The following CNTNAP2 variants were observed in gnomAD, a reference collection of about 807,000 sequenced individuals.
The protein encoded by CNTNAP2 is contactin associated protein 2.
Under a neutral mutation model 155.2 loss-of-function variants are expected in CNTNAP2, and 98 were observed. The observed-to-expected ratio is 0.63, with a 90% CI of 0.54 to 0.75. The LOEUF is 0.75. Ranked by LOEUF, CNTNAP2 falls within the 30% of genes least tolerant of loss-of-function variation. The pLI is 0.00. For missense variants in CNTNAP2, 1,727 were observed against 1,688.1 expected (o/e 1.02, Z -0.40); for synonymous variants, 651 against 631.2 (o/e 1.03, Z -0.47).
At chr7:146,766,568 T>C (rs373231709) in intron 1 of CNTNAP2, among the ~76,000 whole-genome samples, 3 of 152,152 alleles carry the variant, frequency 2.0e-5, no homozygotes, top group Admixed American at 6.6e-5. Context: ...CAGGTACAAT[T>C]TGGCCTTTGT....
intron 15 of CNTNAP2, among the ~76,000 whole-genome samples, chr7:148,071,457 T>C (rs1266462088): frequency 1.3e-5 from 2 of 152,018 alleles, no homozygotes; most frequent in Non-Finnish European, 2.9e-5. Flanking sequence ...CCAGCCTGGG[T>C]GACAGAGCGA....
chr7:146,742,328 C>T (rs1801732211), intron 1 of CNTNAP2, among the ~76,000 whole-genome samples: 1 of 152,106 alleles, frequency 6.6e-6, no homozygotes, highest in South Asian at 2.1e-4. Context: ...CATTCCACTG[C>T]CAACCACTGA....
chr7:147,654,687 A>T (rs1277738994), intron 13 of CNTNAP2, among the ~76,000 whole-genome samples: 3 of 152,032 alleles, frequency 2.0e-5, no homozygotes, highest in African/African-American at 7.2e-5. Flanking sequence ...ATTTCCTCCC[A>T]TGAATGTTTT....
At chr7:146,949,645 TCA>T (rs1370929240) in intron 3 of CNTNAP2, among the ~76,000 whole-genome samples, 2 of 152,198 alleles carry the variant, frequency 1.3e-5, no homozygotes, top group African/African-American at 4.8e-5. Flanking sequence ...TTTTGTTTTC[TCA>T]GTTATATCAC....
chr7:146,357,050 A>T (rs185004489), intron 1 of CNTNAP2, among the ~76,000 whole-genome samples: 1 of 152,158 alleles, frequency 6.6e-6, no homozygotes, highest in Non-Finnish European at 1.5e-5. Flanking sequence ...ATCTTGTTCA[A>T]TGTAAGCACA....
At chr7:148,229,244 A>G (rs1239346729) in intron 19 of CNTNAP2, among the ~76,000 whole-genome samples, 1 of 152,012 alleles carries the variant, frequency 6.6e-6, no homozygotes, top group Non-Finnish European at 1.5e-5. Flanking sequence ...CAGAAATTGG[A>G]TGGGCATGGT....
chr7:146,792,258 AAG>A, intron 2 of CNTNAP2, among the ~76,000 whole-genome samples: 1 of 151,142 alleles, frequency 6.6e-6, no homozygotes, highest in South Asian at 2.1e-4. Flanking sequence ...ATCAAAAAAA[AAG>A]AAAAAGCTAA....
intron 1 of CNTNAP2, among the ~76,000 whole-genome samples, chr7:146,459,167 C>T (rs1414660641): frequency 6.6e-6 from 1 of 152,170 alleles, no homozygotes; most frequent in East Asian, 1.9e-4. Flanking sequence ...TGCATGACTT[C>T]TACTCACCGA....
intron 8 of CNTNAP2, 104 bp downstream of exon 8, chr7:147,132,613 G>C (rs926413848): frequency 2.1e-5 from 31 of 1,449,600 alleles, no homozygotes; most frequent in African/African-American, 2.8e-5. Context: ...TCAGGATTAG[G>C]TTTTAATTCA....
intron 8 of CNTNAP2, among the ~76,000 whole-genome samples, chr7:147,182,448 A>G (rs1465328805): frequency 6.6e-6 from 1 of 152,086 alleles, no homozygotes; most frequent in Non-Finnish European, 1.5e-5. Context: ...TTGAAGAGAA[A>G]AATAATATTT....
intron 22 of CNTNAP2, among the ~76,000 whole-genome samples, chr7:148,398,033 T>C (rs1799507115): frequency 6.6e-6 from 1 of 152,246 alleles, no homozygotes; most frequent in Non-Finnish European, 1.5e-5. Context: ...AAATTTCCCT[T>C]GTGCTAATGC....
rs1160161634 is a variant in CNTNAP2, at chr7:146,362,168, C to T, written c.97+245195C>T. The stretch of plus-strand genomic sequence containing the variant: ...TTATTTTGAAATAAAAACTACTTTA[C>T]TATATGTTATTTGCTCATAATGTAC... On this transcript the variant is annotated intron_variant, in intron 1 of 23. Transcript: ENST00000361727. Among the ~76,000 whole-genome samples the T allele has an allele frequency of 3.3e-5, 5 of 152,182 alleles. No homozygotes were observed. In the South Asian group the frequency reaches 1.0e-3, roughly 32 times the overall value.
In CNTNAP2 at chr7:147,399,390, C is replaced by G. The variant is rs1197688501; in HGVS notation, c.1670+3610C>G. On this transcript the variant is annotated intron_variant, in intron 10 of 23. Coordinates refer to ENST00000361727, the MANE Select transcript of CNTNAP2 (RefSeq NM_014141.6). Reference sequence around the variant, plus strand: ...AATCCAGGTGAGAGACGCGTGTACCCTAGACCAGGGTGCTAGCACAAGAAG... The same window carrying G: ...AATCCAGGTGAGAGACGCGTGTACCGTAGACCAGGGTGCTAGCACAAGAAG... Among the ~76,000 whole-genome samples the G allele has an allele frequency of 2.0e-5, 3 of 152,144 alleles. No individual in the cohort carries two copies. The East Asian group carries it at 5.8e-4, about 29-fold the overall frequency.
At chr7:147,197,218 C>G (rs1305263057) in intron 8 of CNTNAP2, among the ~76,000 whole-genome samples, 2 of 152,024 alleles carry the variant, frequency 1.3e-5, no homozygotes, top group East Asian at 3.9e-4. Context: ...GTTGCACAGG[C>G]CACTACTTCA....
intron 3 of CNTNAP2, among the ~76,000 whole-genome samples, chr7:146,968,418 C>A (rs1253380892): frequency 6.6e-6 from 1 of 150,772 alleles, no homozygotes; most frequent in Non-Finnish European, 1.5e-5. Context: ...TGGTAGAATT[C>A]GGCTGTGAAT....
intron 1 of CNTNAP2, among the ~76,000 whole-genome samples, chr7:146,362,236 G>A (rs6948846): frequency 0.45 from 68,388 of 151,994 alleles, 17,188 homozygotes; most frequent in African/African-American, 0.68. Flanking sequence ...ACTACACGGT[G>A]AAAACAAAGC....
intron 2 of CNTNAP2, among the ~76,000 whole-genome samples, chr7:146,790,081 T>C (rs1802644145): frequency 6.6e-6 from 1 of 152,066 alleles, no homozygotes; most frequent in Non-Finnish European, 1.5e-5. Context: ...CCATACTTCC[T>C]GGAAAACTAG....
intron 1 of CNTNAP2, among the ~76,000 whole-genome samples, chr7:146,548,808 T>TC (rs918383392): frequency 2.0e-5 from 3 of 151,112 alleles, no homozygotes; most frequent in African/African-American, 7.3e-5. Flanking sequence ...GTTTTTTTTT[T>TC]TTTTTTCGTT....
At chr7:148,182,845 G>A (rs1165190136) in intron 18 of CNTNAP2, among the ~76,000 whole-genome samples, 1 of 152,104 alleles carries the variant, frequency 6.6e-6, no homozygotes, top group Non-Finnish European at 1.5e-5. Flanking sequence ...TGTTTAACTT[G>A]ACTAACAATA....
Sources: gnomAD v4.1 joint callset for allele counts (sites outside exome capture counted in the v4.1 genomes callset) on GRCh38, gnomAD v4.1.1 for gene constraint, MANE v1.5 for transcripts, NCBI Gene and HGNC (gene_info 2026-07-23, HGNC 2026-07-21) for gene names.